HSD17B11: variants seen among roughly 807,000 people sequenced by gnomAD.
HSD17B11 encodes the protein estradiol 17-beta-dehydrogenase 11.
In HSD17B11, 22 loss-of-function variants were observed where a neutral mutation model predicts 27.8. The ratio of observed to expected loss-of-function variants is 0.79; its 90% confidence interval spans 0.56 to 1.13. The LOEUF (loss-of-function observed/expected upper bound fraction) is 1.13. Ranked by LOEUF, HSD17B11 falls within the 50% of genes most tolerant of loss-of-function variation. The pLI, the probability that HSD17B11 is intolerant of heterozygous loss-of-function variation, is 0.00. For synonymous variants in HSD17B11, 117 were observed against 132.8 expected (o/e 0.88, Z 0.82); for missense variants, 314 against 351.1 (o/e 0.89, Z 0.84).
At chr4:87,363,339 CTTAA>C (rs769404504) in intron 4 of HSD17B11, among the ~76,000 whole-genome samples, 20 of 152,266 alleles carry the variant, frequency 1.3e-4, no homozygotes, top group Admixed American at 2.6e-4. Context: ...TCTGTAAAGA[CTTAA>C]TTAATGCGAA....
chr4:87,363,813 C>T (rs1399128413), intron 4 of HSD17B11, among the ~76,000 whole-genome samples: 1 of 152,156 alleles, frequency 6.6e-6, no homozygotes, highest in Non-Finnish European at 1.5e-5. Context: ...AATTCCCCAC[C>T]CAGGAAATAA....
At chr4:87,383,510 G>A (rs560632366) in intron 1 of HSD17B11, among the ~76,000 whole-genome samples, 13 of 152,250 alleles carry the variant, frequency 8.5e-5, no homozygotes, top group Admixed American at 4.6e-4. Flanking sequence ...AAGACTTGGT[G>A]AGTAGATGAG....
chr4:87,342,925 A>T (rs1433894873), intron 5 of HSD17B11, among the ~76,000 whole-genome samples: 1 of 152,236 alleles, frequency 6.6e-6, no homozygotes, highest in Non-Finnish European at 1.5e-5. Context: ...GGTATCAAGG[A>T]GGATGAATCC....
chr4:87,382,393 T>G (rs774355729), intron 1 of HSD17B11, 31 bp from the exon 2 acceptor site: 1 of 1,301,464 alleles, frequency 7.7e-7, no homozygotes, highest in Non-Finnish European at 1.1e-6. Flanking sequence ...GGCAAGGTAA[T>G]AATTGATATG....
intron 2 of HSD17B11, among the ~76,000 whole-genome samples, chr4:87,380,164 C>T (rs546163733): frequency 8.2e-4 from 119 of 145,810 alleles, no homozygotes; most frequent in Non-Finnish European, 1.5e-3. Flanking sequence ...CACCTCAAAA[C>T]AGCTACTTCA....
At chr4:87,376,807 A>G (rs1423892659) in intron 2 of HSD17B11, among the ~76,000 whole-genome samples, 1 of 152,198 alleles carries the variant, frequency 6.6e-6, no homozygotes, top group East Asian at 1.9e-4. Context: ...AGCTGCTAAG[A>G]GCAATAGAAG....
intron 3 of HSD17B11, chr4:87,374,332 AAG>A (rs777274550): frequency 1.9e-4 from 33 of 170,146 alleles, no homozygotes; most frequent in Middle Eastern, 2.9e-3. Flanking sequence ...AAAAAGAAAA[AAG>A]AGAATCTGAA....
At chr4:87,385,320 G>T (rs1720279368) in intron 1 of HSD17B11, among the ~76,000 whole-genome samples, 1 of 152,082 alleles carries the variant, frequency 6.6e-6, no homozygotes, top group Non-Finnish European at 1.5e-5. Context: ...AAATAAGCCA[G>T]ACACAAAAAA....
At position 87,374,444 on chromosome 4, in the gene HSD17B11, C is replaced by T. The variant is rs949499240; in HGVS notation, c.450+255G>A. ...ATAGGATCACACAGAAATGTGAGAA[C>T]CTAGCTTAGAATTAAAACATATACA... On this transcript the variant is annotated intron_variant, in intron 3 of 6. Coordinates refer to ENST00000358290, the MANE Select transcript of HSD17B11 (RefSeq NM_016245.5). 4 of 267,178 alleles carry T rather than the reference C, an allele frequency of 1.5e-5. No homozygotes were observed. In the East Asian group the frequency reaches 3.9e-4, roughly 26 times the overall value. 16.6% of individuals were successfully genotyped at this position (267,178 alleles called of 1,614,324 possible).
intron 4 of HSD17B11, among the ~76,000 whole-genome samples, chr4:87,361,861 G>A (rs569492781): frequency 8.5e-5 from 13 of 152,202 alleles, no homozygotes; most frequent in South Asian, 8.3e-4. Context: ...GGTCTGGATC[G>A]GGACCCCTTT....
rs1486114743 is a variant in HSD17B11, at chr4:87,387,309, A to G, written c.210+3552T>C. ...GACACCACCATTAATTCTTCCCTAA[A>G]TTAACATATGGTACATGTGGACACT... On this transcript the variant is annotated intron_variant, in intron 1 of 6. Coordinates refer to ENST00000358290, the MANE Select transcript of HSD17B11 (RefSeq NM_016245.5). 5.9e-5 allele frequency: 9 copies of G among 152,228 alleles called. No individual in the cohort carries two copies. In the East Asian group the frequency reaches 1.7e-3, roughly 29 times the overall value. The allele number at this position is 152,228 out of a possible 1,614,324, so 9.4% of individuals were successfully genotyped here.
intron 5 of HSD17B11, among the ~76,000 whole-genome samples, chr4:87,343,462 G>A (rs7698689): frequency 0.73 from 110,579 of 151,664 alleles, 40,914 homozygotes; most frequent in African/African-American, 0.83. Context: ...TGAGGGGGAA[G>A]GAGTATTTTC....
chr4:87,346,741 T>C (rs1419086361), intron 5 of HSD17B11, among the ~76,000 whole-genome samples: 1 of 152,128 alleles, frequency 6.6e-6, no homozygotes, highest in Non-Finnish European at 1.5e-5. Flanking sequence ...TACTGTTTTT[T>C]TCCTATCATA....
intron 2 of HSD17B11, 103 bp downstream of exon 2, chr4:87,382,152 A>G: frequency 1.2e-6 from 1 of 835,174 alleles, no homozygotes; most frequent in South Asian, 1.7e-5. Flanking sequence ...TCAAATAACA[A>G]CATTTCTCAG....
At position 87,372,816 on chromosome 4, in the gene HSD17B11, C is replaced by G; in HGVS notation, c.451-1G>C. 1 of 1,579,596 alleles carries G rather than the reference C, an allele frequency of 6.3e-7. No individual in the cohort carries two copies. The highest frequency in any genetic ancestry group is 8.7e-7 in the Non-Finnish European group (1 of 1,154,250). On this transcript the variant is annotated splice_acceptor_variant, in intron 3 of 6. Transcript: ENST00000358290. LOFTEE classifies it high-confidence loss of function. ...TTGCAGGAAGAAATGCCTTTGTAGT[C>G]TACAAATAGTTTTTATTAAAAGAGA...
chr4:87,380,111 A>C (rs1298546349), intron 2 of HSD17B11, among the ~76,000 whole-genome samples: 2 of 96,738 alleles, frequency 2.1e-5, no homozygotes, highest in Non-Finnish European at 4.1e-5. Flanking sequence ...ACTCTGTCTC[A>C]AAAAAAAAAA....
chr4:87,381,962 T>C (rs1720184202), intron 2 of HSD17B11, among the ~76,000 whole-genome samples: 2 of 152,014 alleles, frequency 1.3e-5, no homozygotes, highest in South Asian at 4.1e-4. Flanking sequence ...GGAGGCAGGG[T>C]GGATGTATTT....
intron 4 of HSD17B11, among the ~76,000 whole-genome samples, chr4:87,364,997 C>T (rs1295595224): frequency 6.6e-6 from 1 of 152,100 alleles, no homozygotes; most frequent in African/African-American, 2.4e-5. Flanking sequence ...GGGGAAAACC[C>T]GTCTCTAGTA....
At chr4:87,381,012 C>T (rs1489350932) in intron 2 of HSD17B11, among the ~76,000 whole-genome samples, 2 of 151,050 alleles carry the variant, frequency 1.3e-5, no homozygotes, top group African/African-American at 4.9e-5. Flanking sequence ...ATAGTGAAAC[C>T]CCATCTCTAC....
Sources: allele counts gnomAD v4.1 joint callset (sites outside exome capture counted in the v4.1 genomes callset), GRCh38; gene constraint gnomAD v4.1.1; transcripts MANE v1.5; gene names NCBI Gene and HGNC (gene_info 2026-07-23, HGNC 2026-07-21).